The following ATF6 variants were observed in gnomAD, a reference collection of about 807,000 sequenced individuals.
ATF6 encodes cyclic AMP-dependent transcription factor ATF-6 alpha.
In ATF6, 53 loss-of-function variants were observed where a neutral mutation model predicts 83.6. The observed-to-expected ratio is 0.63, with a 90% CI of 0.51 to 0.80. The LOEUF (loss-of-function observed/expected upper bound fraction) is 0.80, where lower values mean the gene tolerates loss of function less well. ATF6 is among the 30% of genes least tolerant of loss of function. ATF6 has a pLI of 0.00. For missense variants in ATF6, 744 were observed against 797.9 expected, an observed-to-expected ratio of 0.93 and a Z score of 0.81; for synonymous variants, 288 against 285.8, an observed-to-expected ratio of 1.01 and a Z score of -0.08.
intron 14 of ATF6, among the ~76,000 whole-genome samples, chr1:161,872,660 C>G (rs1234793032): frequency 6.6e-6 from 1 of 151,430 alleles, no homozygotes. Context: ...TGTTATAGCG[C>G]TCCCTAAGAA....
rs142837142 is a variant in ATF6 at position 161,862,827 on chromosome 1, G to A, written c.1605-371G>A. ...ACCTTCATATATTCGACAGGGTGGT[G>A]AAAAATGACTTTTCCTCAGATTTAA... On this transcript the variant is annotated intron_variant, in intron 13 of 15. Coordinates refer to ENST00000367942, the MANE Select transcript of ATF6 (RefSeq NM_007348.4). 5.6e-3 allele frequency among the ~76,000 whole-genome samples: 855 copies of A among 152,196 alleles called. 3 individuals are homozygous for A. Among genetic ancestry groups the A allele is most frequent in the South Asian group, 0.014 (68 of 4,828 alleles).
Position 161,766,377 on chromosome 1 carries a change from G to T in ATF6, c.17G>T (p.Gly6Val), listed in dbSNP as rs200220130. 3.9e-4 allele frequency: 634 copies of T among 1,612,842 alleles called. No individual in the cohort carries two copies. The highest frequency in any genetic ancestry group is 5.1e-4 in the Non-Finnish European group (603 of 1,179,434). The change falls in exon 1 of 16, where the codon GGG becomes GTG. Residue 6 changes from glycine to valine, a missense_variant. Physicochemically the swap from Gly to Val is moderately radical, Grantham distance 109. Coordinates refer to ENST00000367942, the MANE Select transcript of ATF6 (RefSeq NM_007348.4). MGEPAGVAGTMESPFS... is the reference protein window; with the variant it reads MGEPAVVAGTMESPFS... The stretch of plus-strand genomic sequence containing the variant: ...ACTTGTGAAATGGGGGAGCCGGCTG[G>T]GGTTGCCGGCACCATGGAGTCACCT...
At chr1:161,828,794 G>GT (rs1685969553) in intron 9 of ATF6, among the ~76,000 whole-genome samples, 1 of 152,172 alleles carries the variant, frequency 6.6e-6, no homozygotes, top group Admixed American at 6.5e-5. Context: ...GCTTATGTTG[G>GT]TGGTGCCTGT....
At chr1:161,795,357 G>A (rs1459567013) in intron 6 of ATF6, among the ~76,000 whole-genome samples, 2 of 152,072 alleles carry the variant, frequency 1.3e-5, no homozygotes, top group African/African-American at 4.8e-5. Flanking sequence ...TCTTCTAAGT[G>A]CTTAAGTGCA....
At chr1:161,837,163 G>C (rs1009745660) in intron 9 of ATF6, among the ~76,000 whole-genome samples, 3 of 152,160 alleles carry the variant, frequency 2.0e-5, no homozygotes, top group African/African-American at 7.2e-5. Context: ...TGAAGGTCTA[G>C]GCTAATATTA....
intron 4 of ATF6, among the ~76,000 whole-genome samples, chr1:161,790,084 C>T (rs1447975176): frequency 6.6e-6 from 1 of 152,030 alleles, no homozygotes; most frequent in Non-Finnish European, 1.5e-5. Context: ...AATGGCTGTT[C>T]CTGCCTTTTG....
At chr1:161,898,297 G>T (rs1171498753) in intron 14 of ATF6, among the ~76,000 whole-genome samples, 1 of 152,090 alleles carries the variant, frequency 6.6e-6, no homozygotes, top group Non-Finnish European at 1.5e-5. Context: ...CTAATTCAGG[G>T]CTGCTCCATA....
At chr1:161,856,951 G>A (rs2101832294) in intron 12 of ATF6, among the ~76,000 whole-genome samples, 1 of 152,230 alleles carries the variant, frequency 6.6e-6, no homozygotes, top group African/African-American at 2.4e-5. Context: ...TCTTTCTGTA[G>A]GGAGCTTAGA....
At position 161,940,559 on chromosome 1, in the gene ATF6, C is replaced by CTTTT. The variant is rs71301060; in HGVS notation, c.1805-17873_1805-17870dup. On this transcript the variant is annotated intron_variant, in intron 15 of 15. Transcript: ENST00000367942. Reference sequence around the variant, plus strand: ...GTCTCAAGTGTCACCTCCTTCAGATCTTTTTTTTTTTTTTTTTGAGACAGA... The same window carrying CTTTT: ...GTCTCAAGTGTCACCTCCTTCAGATCTTTTTTTTTTTTTTTTTTTTTGAGACAGA... Among the ~76,000 whole-genome samples, 11 of 118,428 alleles carry CTTTT rather than the reference C, an allele frequency of 9.3e-5. 2 individuals are homozygous for CTTTT. Among genetic ancestry groups the CTTTT allele is most frequent in the African/African-American group, 6.0e-5 (2 of 33,176 alleles). 77.7% of individuals were successfully genotyped at this position (118,428 alleles called of 152,430 possible).
intron 14 of ATF6, among the ~76,000 whole-genome samples, chr1:161,910,958 G>A (rs1269159485): frequency 3.9e-5 from 6 of 152,196 alleles, no homozygotes; most frequent in Non-Finnish European, 8.8e-5. Context: ...AATACAAGCA[G>A]TTACTGGAAA....
intron 6 of ATF6, among the ~76,000 whole-genome samples, chr1:161,799,879 G>T (rs1466804358): frequency 6.6e-6 from 1 of 152,064 alleles, no homozygotes; most frequent in Non-Finnish European, 1.5e-5. Flanking sequence ...AGTTTTCCCC[G>T]ATCCTTTGAA....
At chr1:161,799,809 T>G (rs1249713588) in intron 6 of ATF6, among the ~76,000 whole-genome samples, 1 of 152,196 alleles carries the variant, frequency 6.6e-6, no homozygotes, top group Non-Finnish European at 1.5e-5. Flanking sequence ...TAAGTTATCT[T>G]TTTTAGCCAA....
In ATF6 at chr1:161,960,536, A is replaced by T. The variant is rs545086796; in HGVS notation, c.*1882A>T. ...GTGCCTCTTTGTCCAAGCTAGTTAA[A>T]TGCTTTCCAAGGAAATCAGTTCAAC... On this transcript the variant is annotated 3_prime_UTR_variant, in exon 16 of 16. Coordinates refer to ENST00000367942, the MANE Select transcript of ATF6 (RefSeq NM_007348.4). 1 of 152,238 alleles carries T rather than the reference A, an allele frequency of 6.6e-6. No individual in the cohort carries two copies. The highest frequency in any genetic ancestry group is 1.5e-5 in the Non-Finnish European group (1 of 68,032). 9.4% of individuals were successfully genotyped at this position (152,238 alleles called of 1,614,324 possible). A position where few individuals can be genotyped will look rare whatever the true frequency, so the allele number is the denominator to read the frequency against.
At position 161,791,489 on chromosome 1, in the gene ATF6, G is replaced by A. The variant is rs755079809; in HGVS notation, c.436G>A (p.Glu146Lys). Residue 146 changes from glutamate to lysine, a missense_variant, in exon 5 of 16, where the codon GAG becomes AAG. Glu to Lys is a moderately conservative substitution (Grantham distance 56, BLOSUM62 1). Transcript: ENST00000367942. The stretch of plus-strand genomic sequence containing the variant: ...AAACTCTAATAGTCTCTCTTCAGCG[G>A]AGCCACTGAAGGAAGATAAGCCTGT... ...GENSNSLSSA[E>K]PLKEDKPVTG... 4.6e-5 allele frequency: 74 copies of A among 1,612,562 alleles called. No homozygotes were observed. Among genetic ancestry groups the A allele is most frequent in the Non-Finnish European group, 6.3e-5 (74 of 1,179,678 alleles).
At chr1:161,900,021 C>G (rs1186900854) in intron 14 of ATF6, among the ~76,000 whole-genome samples, 2 of 152,114 alleles carry the variant, frequency 1.3e-5, no homozygotes, top group Non-Finnish European at 1.5e-5. Flanking sequence ...CTCCAGTTTC[C>G]TCCCACATCC....
At chr1:161,810,059 T>C (rs1302842813) in intron 7 of ATF6, among the ~76,000 whole-genome samples, 1 of 152,202 alleles carries the variant, frequency 6.6e-6, no homozygotes, top group African/African-American at 2.4e-5. Context: ...TCCATTGAGG[T>C]AGTTCTAATT....
intron 11 of ATF6, among the ~76,000 whole-genome samples, chr1:161,852,201 G>A (rs1248505945): frequency 6.6e-6 from 1 of 152,124 alleles, no homozygotes; most frequent in Non-Finnish European, 1.5e-5. Flanking sequence ...TTTACCGTTA[G>A]TACACACTTC....
chr1:161,789,278 T>C (rs891241816), intron 4 of ATF6, among the ~76,000 whole-genome samples: 18 of 145,012 alleles, frequency 1.2e-4, no homozygotes, highest in African/African-American at 4.6e-4. Flanking sequence ...TTTTTTTTTT[T>C]ACCCATTAAC....
At chr1:161,823,842 C>A (rs1685819926) in intron 9 of ATF6, among the ~76,000 whole-genome samples, 1 of 152,184 alleles carries the variant, frequency 6.6e-6, no homozygotes, top group African/African-American at 2.4e-5. Flanking sequence ...CTGCTTAAAA[C>A]CCCAGTGCAC....
Sources: allele counts gnomAD v4.1 joint callset (sites outside exome capture counted in the v4.1 genomes callset), GRCh38; gene constraint gnomAD v4.1.1; transcripts MANE v1.5; gene names NCBI Gene and HGNC (gene_info 2026-07-23, HGNC 2026-07-21).